Variants in MBNL2 observed in about 807,000 individuals in gnomAD.
MBNL2 encodes the protein muscleblind-like protein 2.
A neutral mutation model predicts 41.9 loss-of-function variants in MBNL2; 17 were observed. That is an observed-to-expected ratio of 0.41 (90% CI 0.28 to 0.61). MBNL2 has a LOEUF of 0.61. Among genes scored for constraint, MBNL2 ranks in the 20% least tolerant of loss-of-function variants. The pLI, the probability that MBNL2 is intolerant of heterozygous loss-of-function variation, is 0.35. For synonymous variants in MBNL2, 195 were observed against 182.9 expected, an observed-to-expected ratio of 1.07 and a Z score of -0.53; for missense variants, 336 against 505.6, an observed-to-expected ratio of 0.66 and a Z score of 3.22.
chr13:97,184,962 A>G, the MBNL2 span, among the ~76,000 whole-genome samples: 1 of 152,216 alleles, frequency 6.6e-6, no homozygotes, highest in Non-Finnish European at 1.5e-5. Flanking sequence ...AAAGTGTGAC[A>G]TATTCCCATG....
Position 97,308,962 on chromosome 13 carries a change from G to A in MBNL2, c.175-25314G>A, listed in dbSNP as rs1222073170. Among the ~76,000 whole-genome samples, 3 of 152,160 alleles carry A rather than the reference G, an allele frequency of 2.0e-5. No individual in the cohort carries two copies. In the East Asian group the frequency reaches 5.8e-4, roughly 29 times the overall value. On this transcript the variant is annotated intron_variant, in intron 2 of 8. Coordinates refer to ENST00000679496, the MANE Select transcript of MBNL2 (RefSeq NM_001382683.1). ...CTGAGCGGGACTGAGGAGTCATCAT[G>A]GAGAAAGGGCATCAGAGATGGGCCT...
At chr13:97,358,322 C>T (rs917503585) in intron 7 of MBNL2, among the ~76,000 whole-genome samples, 4 of 152,080 alleles carry the variant, frequency 2.6e-5, no homozygotes, top group Non-Finnish European at 5.9e-5. Context: ...ACTGAGGCCC[C>T]CTAAATGAGA....
chr13:97,319,243 CAG>C (rs2059303383), intron 2 of MBNL2, among the ~76,000 whole-genome samples: 1 of 152,172 alleles, frequency 6.6e-6, no homozygotes, highest in South Asian at 2.1e-4. Flanking sequence ...GGGCTTGAAA[CAG>C]AGCAGCTGTC....
At chr13:97,315,988 T>C (rs985523873) in intron 2 of MBNL2, among the ~76,000 whole-genome samples, 2 of 152,180 alleles carry the variant, frequency 1.3e-5, no homozygotes, top group Admixed American at 6.5e-5. Flanking sequence ...ATTTCTTTCA[T>C]ACGCCAATGA....
At chr13:97,244,035 T>C (rs1372813108) in intron 1 of MBNL2, among the ~76,000 whole-genome samples, 3 of 152,220 alleles carry the variant, frequency 2.0e-5, no homozygotes, top group Non-Finnish European at 4.4e-5. Context: ...GACAGTATTT[T>C]ACCCTCTCTT....
the MBNL2 span, among the ~76,000 whole-genome samples, chr13:97,196,144 T>C: frequency 2.0e-5 from 3 of 152,212 alleles, no homozygotes; most frequent in African/African-American, 7.2e-5. Context: ...TGGTATCCTC[T>C]GTGGGCAAGG....
the MBNL2 span, among the ~76,000 whole-genome samples, chr13:97,173,186 A>G: frequency 3.9e-5 from 6 of 152,208 alleles, no homozygotes; most frequent in Non-Finnish European, 7.3e-5. Flanking sequence ...AGGATCCACT[A>G]AGACTGTTTC....
chr13:97,351,320 A>G (rs770411395), intron 5 of MBNL2, among the ~76,000 whole-genome samples: 1 of 152,220 alleles, frequency 6.6e-6, no homozygotes, highest in Non-Finnish European at 1.5e-5. Context: ...AGCATAATTC[A>G]TAAGGGCCCT....
chr13:97,166,917 A>T, the MBNL2 span, among the ~76,000 whole-genome samples: 6 of 152,164 alleles, frequency 3.9e-5, no homozygotes, highest in East Asian at 1.2e-3. Context: ...GTTCTTTCCA[A>T]TTCTGGGTAA....
At chr13:97,252,496 C>T (rs2046765307) in intron 1 of MBNL2, among the ~76,000 whole-genome samples, 1 of 152,110 alleles carries the variant, frequency 6.6e-6, no homozygotes, top group Non-Finnish European at 1.5e-5. Flanking sequence ...TTTTAGATGA[C>T]AAGAATCTAC....
chr13:97,151,775 A>G, the MBNL2 span, among the ~76,000 whole-genome samples: 1 of 152,326 alleles, frequency 6.6e-6, no homozygotes, highest in South Asian at 2.1e-4. Context: ...AGCAGCCAGG[A>G]TAATACCTTT....
chr13:97,265,170 A>T (rs2049482743), intron 1 of MBNL2, among the ~76,000 whole-genome samples: 2 of 152,224 alleles, frequency 1.3e-5, no homozygotes, highest in Non-Finnish European at 2.9e-5. Flanking sequence ...CCATTCCTGG[A>T]AATGGCAATG....
the MBNL2 span, among the ~76,000 whole-genome samples, chr13:97,156,677 C>T: frequency 5.7e-4 from 83 of 145,534 alleles, no homozygotes; most frequent in Non-Finnish European, 1.1e-3. Flanking sequence ...GCTTGTTTTT[C>T]TCAGGTTTGT....
In MBNL2 at chr13:97,357,598, C is replaced by T. The variant is rs1216374601; in HGVS notation, c.975C>T (p.Ser325=). The stretch of plus-strand genomic sequence containing the variant: ...TGCACTACCAGCAGGCTCTCACCAG[C>T]GCACAGTTGCAGCAACACGCCGCGT... ...SVLHYQQALT[S]AQLQQHAAFI... Residue 325 remains serine (S), a synonymous_variant, in exon 7 of 9, where the codon AGC becomes AGT. Transcript: ENST00000679496. 7 of 1,614,032 alleles carry T rather than the reference C, an allele frequency of 4.3e-6. No individual in the cohort carries two copies. Among genetic ancestry groups the T allele is most frequent in the Non-Finnish European group, 5.9e-6 (7 of 1,179,962 alleles).
At chr13:97,191,585 C>G in the MBNL2 span, among the ~76,000 whole-genome samples, 1 of 152,084 alleles carries the variant, frequency 6.6e-6, no homozygotes, top group African/African-American at 2.4e-5. Context: ...GCCAGCCTCT[C>G]CATGCCTATT....
intron 1 of MBNL2, among the ~76,000 whole-genome samples, chr13:97,230,559 G>A (rs944499100): frequency 4.6e-5 from 7 of 152,354 alleles, no homozygotes; most frequent in African/African-American, 1.7e-4. Context: ...AGAAGGCAGC[G>A]TGAACAGAGA....
At chr13:97,155,417 TTAAG>T in the MBNL2 span, among the ~76,000 whole-genome samples, 1 of 151,554 alleles carries the variant, frequency 6.6e-6, no homozygotes, top group East Asian at 1.9e-4. Flanking sequence ...TTATTATACT[TTAAG>T]TTTTAGGGTA....
At chr13:97,205,422 G>A in the MBNL2 span, among the ~76,000 whole-genome samples, 3 of 151,988 alleles carry the variant, frequency 2.0e-5, no homozygotes, top group Admixed American at 6.6e-5. Context: ...AGATAATTCA[G>A]TGGTTTCTAC....
chr13:97,258,423 T>C (rs982528312), intron 1 of MBNL2, among the ~76,000 whole-genome samples: 5 of 152,222 alleles, frequency 3.3e-5, no homozygotes, highest in Admixed American at 6.5e-5. Context: ...CTTTCTTTCT[T>C]TTTTACTTCT....
Sources: allele counts gnomAD v4.1 joint callset (sites outside exome capture counted in the v4.1 genomes callset), GRCh38; gene constraint gnomAD v4.1.1; transcripts MANE v1.5; gene names NCBI Gene and HGNC (gene_info 2026-07-23, HGNC 2026-07-21).